The following NELL1 variants were observed in gnomAD, a reference collection of about 807,000 sequenced individuals.
NELL1 encodes the protein protein kinase C-binding protein NELL1.
A neutral mutation model predicts 107.4 loss-of-function variants in NELL1; 76 were observed. The observed-to-expected ratio is 0.71, with a 90% CI of 0.59 to 0.86. NELL1 has a LOEUF of 0.86. Ranked by LOEUF, NELL1 falls within the 40% of genes least tolerant of loss-of-function variation. NELL1 has a pLI of 0.00. For synonymous variants in NELL1, 353 were observed against 341.2 expected (o/e 1.03, Z -0.38); for missense variants, 1,024 against 1,005.5 (o/e 1.02, Z -0.25).
intron 2 of NELL1, among the ~76,000 whole-genome samples, chr11:20,747,001 G>C (rs1220314093): frequency 1.3e-5 from 2 of 152,180 alleles, no homozygotes; most frequent in African/African-American, 4.8e-5. Context: ...ACTGCAGTTA[G>C]CTGATTATTG....
intron 12 of NELL1, among the ~76,000 whole-genome samples, chr11:21,054,453 T>A (rs1165579514): frequency 6.6e-6 from 1 of 152,028 alleles, no homozygotes. Flanking sequence ...CTTACAGTAC[T>A]TGGAATGGCT....
chr11:20,843,122 G>A (rs964715351), intron 3 of NELL1, among the ~76,000 whole-genome samples: 1 of 152,050 alleles, frequency 6.6e-6, no homozygotes, highest in Admixed American at 6.5e-5. Context: ...TATATGTGGT[G>A]GCTTATTCCT....
intron 15 of NELL1, among the ~76,000 whole-genome samples, chr11:21,530,505 C>T (rs575908110): frequency 6.6e-5 from 10 of 152,104 alleles, no homozygotes; most frequent in East Asian, 5.8e-4. Context: ...CTTGGGTATT[C>T]GTCTGTTTCT....
At chr11:20,871,899 G>C (rs1453584661) in intron 4 of NELL1, among the ~76,000 whole-genome samples, 1 of 150,944 alleles carries the variant, frequency 6.6e-6, no homozygotes, top group Admixed American at 6.6e-5. Flanking sequence ...GGTGCCTGTA[G>C]TCCCAGCTAC....
chr11:20,761,345 G>A (rs571973532), intron 2 of NELL1, among the ~76,000 whole-genome samples: 34 of 152,258 alleles, frequency 2.2e-4, no homozygotes, highest in African/African-American at 5.8e-4. Flanking sequence ...GCTACCTGGC[G>A]TCTTGGAGCA....
chr11:20,753,515 C>A (rs562496968), intron 2 of NELL1, among the ~76,000 whole-genome samples: 1 of 152,280 alleles, frequency 6.6e-6, no homozygotes, highest in East Asian at 1.9e-4. Flanking sequence ...ACATTTGAGT[C>A]TAGCTCTAAC....
chr11:21,104,932 G>T (rs1483359729), intron 12 of NELL1, among the ~76,000 whole-genome samples: 3 of 152,128 alleles, frequency 2.0e-5, no homozygotes, highest in Non-Finnish European at 4.4e-5. Context: ...CTATATGTCT[G>T]TTCTTATAAG....
Position 20,783,849 on chromosome 11 carries a change from C to G in NELL1, c.335+19C>G. The G allele has an allele frequency of 1.3e-6, 2 of 1,595,676 alleles. No homozygotes were observed. Among genetic ancestry groups the G allele is most frequent in the Non-Finnish European group, 1.7e-6 (2 of 1,170,854 alleles). On this transcript the variant is annotated intron_variant, in intron 3 of 19. Transcript: ENST00000357134. ...AGCACAGGTAAGAAAGCTCTTTCTG[C>G]TTTTGAAAATCTCCTTAGAGTTAAT...
chr11:21,254,068 C>T (rs1487599433), intron 14 of NELL1, among the ~76,000 whole-genome samples: 1 of 152,106 alleles, frequency 6.6e-6, no homozygotes, highest in African/African-American at 2.4e-5. Context: ...TGTAAAGGAA[C>T]ACTGTGGATC....
At chr11:21,565,572 A>G (rs1856951959) in intron 17 of NELL1, among the ~76,000 whole-genome samples, 1 of 151,828 alleles carries the variant, frequency 6.6e-6, no homozygotes, top group African/African-American at 2.4e-5. Flanking sequence ...TGGTTTGAGG[A>G]CTGCCACTTT....
intron 14 of NELL1, among the ~76,000 whole-genome samples, chr11:21,343,141 A>G (rs764698587): frequency 9.2e-5 from 14 of 152,032 alleles, no homozygotes; most frequent in South Asian, 4.2e-4. Context: ...AAATTTGACT[A>G]TATTATTCCT....
chr11:20,687,271 T>G (rs1222647475), intron 2 of NELL1, among the ~76,000 whole-genome samples: 1 of 152,086 alleles, frequency 6.6e-6, no homozygotes, highest in Non-Finnish European at 1.5e-5. Flanking sequence ...AGGCATACAA[T>G]GTGTAATAAT....
rs114426791 is a variant in NELL1, at chr11:21,094,631, A to C, written c.1301-18958A>C. Among the ~76,000 whole-genome samples, 1,443 of 152,286 alleles carry C rather than the reference A, an allele frequency of 9.5e-3. 18 individuals are homozygous for C. The highest frequency in any genetic ancestry group is 0.032 in the African/African-American group (1,313 of 41,572). Reference sequence around the variant, plus strand: ...TCTAGGTGGAGTTTCCCAAACCTCAATTCTAGCAAGCTTAACACCATGTGG... The same window carrying C: ...TCTAGGTGGAGTTTCCCAAACCTCACTTCTAGCAAGCTTAACACCATGTGG... On this transcript the variant is annotated intron_variant, in intron 12 of 19. Coordinates refer to ENST00000357134, the MANE Select transcript of NELL1 (RefSeq NM_006157.5).
chr11:21,352,951 A>G (rs909211886), intron 14 of NELL1, among the ~76,000 whole-genome samples: 3 of 152,142 alleles, frequency 2.0e-5, no homozygotes, highest in African/African-American at 7.2e-5. Context: ...TGATCATAAT[A>G]CACTAATGAG....
chr11:21,271,194 A>G (rs1337569128), intron 14 of NELL1, among the ~76,000 whole-genome samples: 2 of 152,114 alleles, frequency 1.3e-5, no homozygotes, highest in Non-Finnish European at 2.9e-5. Flanking sequence ...GAAAATTAAC[A>G]AAAATAAAAC....
chr11:20,852,642 A>T (rs946534348), intron 4 of NELL1, among the ~76,000 whole-genome samples: 1 of 152,224 alleles, frequency 6.6e-6, no homozygotes, highest in African/African-American at 2.4e-5. Context: ...TTAAGAGATG[A>T]CTATCAAAGG....
chr11:21,275,620 T>C (rs1359693142), intron 14 of NELL1, among the ~76,000 whole-genome samples: 1 of 152,190 alleles, frequency 6.6e-6, no homozygotes, highest in Non-Finnish European at 1.5e-5. Context: ...TAGACCAATA[T>C]GCCTGATGAA....
At chr11:21,518,450 C>A (rs572613940) in intron 15 of NELL1, among the ~76,000 whole-genome samples, 1 of 152,252 alleles carries the variant, frequency 6.6e-6, no homozygotes, top group Admixed American at 6.5e-5. Flanking sequence ...ATGAATAATG[C>A]AGACTATTGG....
intron 12 of NELL1, among the ~76,000 whole-genome samples, chr11:21,103,623 A>G (rs145636242): frequency 6.6e-5 from 10 of 152,350 alleles, no homozygotes; most frequent in African/African-American, 1.9e-4. Flanking sequence ...AAAAGGTACA[A>G]TCAGAGATAA....
Sources: allele counts gnomAD v4.1 joint callset (sites outside exome capture counted in the v4.1 genomes callset), GRCh38; gene constraint gnomAD v4.1.1; transcripts MANE v1.5; gene names NCBI Gene and HGNC (gene_info 2026-07-23, HGNC 2026-07-21).